CTNNA3: variants seen among roughly 807,000 people sequenced by gnomAD.
The protein encoded by CTNNA3 is catenin alpha-3.
Under a neutral mutation model 95.7 loss-of-function variants are expected in CTNNA3, and 76 were observed. The observed-to-expected ratio is 0.79, with a 90% CI of 0.66 to 0.96. CTNNA3 has a LOEUF of 0.96. CTNNA3 is among the 40% of genes least tolerant of loss of function. CTNNA3 has a pLI of 0.00. For synonymous variants in CTNNA3, 431 were observed against 374.4 expected, an observed-to-expected ratio of 1.15 and a Z score of -1.74; for missense variants, 1,191 against 1,089.8, an observed-to-expected ratio of 1.09 and a Z score of -1.31.
intron 5 of CTNNA3, among the ~76,000 whole-genome samples, chr10:67,338,640 T>C (rs1776087864): frequency 6.6e-6 from 1 of 152,152 alleles, no homozygotes; most frequent in South Asian, 2.1e-4. Flanking sequence ...CTTAAAATAG[T>C]TGTGCAAATG....
chr10:66,906,489 T>A (rs1170469864), intron 7 of CTNNA3, among the ~76,000 whole-genome samples: 1 of 152,144 alleles, frequency 6.6e-6, no homozygotes, highest in Non-Finnish European at 1.5e-5. Flanking sequence ...AAAGTCTATC[T>A]TCAAAAGTAT....
chr10:67,023,142 A>T (rs891444342), intron 7 of CTNNA3, among the ~76,000 whole-genome samples: 1 of 152,162 alleles, frequency 6.6e-6, no homozygotes, highest in Non-Finnish European at 1.5e-5. Flanking sequence ...TGACAAGTAG[A>T]TTCTAATATT....
upstream of CTNNA3, among the ~76,000 whole-genome samples, chr10:67,696,445 C>A (rs1840965854): frequency 6.6e-6 from 1 of 152,126 alleles, no homozygotes; most frequent in Admixed American, 6.5e-5. Flanking sequence ...GCAGGGAAAA[C>A]AAGAGTCCAG....
chr10:66,472,653 T>G (rs975516097), intron 11 of CTNNA3, among the ~76,000 whole-genome samples: 1 of 152,058 alleles, frequency 6.6e-6, no homozygotes, highest in African/African-American at 2.4e-5. Context: ...TGGATACCTC[T>G]GAATTATTAA....
rs553947768 is a variant in CTNNA3, at chr10:66,361,530, C to CTCTT, written c.1732+17618_1732+17621dup. Among the ~76,000 whole-genome samples, 791 of 147,838 alleles carry CTCTT rather than the reference C, an allele frequency of 5.4e-3. 8 individuals are homozygous for CTCTT. The highest frequency in any genetic ancestry group is 0.018 in the African/African-American group (712 of 40,038). Reference sequence around the variant, plus strand: ...TCTTTCCCTCTCTCTGCATCTTTCTCTCTTTCTTTCTTTCTTTCTTTTTTA... The same window carrying CTCTT: ...TCTTTCCCTCTCTCTGCATCTTTCTCTCTTTCTTTCTTTCTTTCTTTCTTTTTTA... On this transcript the variant is annotated intron_variant, in intron 12 of 17. Transcript: ENST00000433211.
chr10:66,061,562 G>A (rs767808348), intron 15 of CTNNA3, among the ~76,000 whole-genome samples: 3 of 151,810 alleles, frequency 2.0e-5, no homozygotes, highest in South Asian at 2.1e-4. Flanking sequence ...CAGTTGTTAC[G>A]TATCTCCTAC....
At chr10:67,313,364 G>A (rs376676121) in intron 5 of CTNNA3, among the ~76,000 whole-genome samples, 3 of 151,866 alleles carry the variant, frequency 2.0e-5, no homozygotes, top group South Asian at 4.2e-4. Flanking sequence ...CCCGGGAGGC[G>A]GAGTTTGCAG....
intron 6 of CTNNA3, among the ~76,000 whole-genome samples, chr10:67,210,004 T>A (rs1220039799): frequency 6.6e-6 from 1 of 151,816 alleles, no homozygotes; most frequent in East Asian, 1.9e-4. Context: ...TTAGAAAATA[T>A]AAGTTAATAA....
In CTNNA3 at chr10:66,500,997, G is replaced by A. The variant is rs191184398; in HGVS notation, c.1531+19620C>T. On this transcript the variant is annotated intron_variant, in intron 11 of 17. Transcript: ENST00000433211. ...CATGTGGCAGTTACTGCCCTAATGC[G>A]ATGAAAGCCTGAAATCTCAAAGCCA... is the stretch of plus-strand genomic sequence containing the variant. Among the ~76,000 whole-genome samples, 36 of 152,178 alleles carry A rather than the reference G, an allele frequency of 2.4e-4. 1 individual carries two copies. The highest frequency in any genetic ancestry group is 7.5e-4 in the African/African-American group (31 of 41,532).
At chr10:65,949,583 T>C (rs1404306956) in intron 17 of CTNNA3, among the ~76,000 whole-genome samples, 1 of 152,064 alleles carries the variant, frequency 6.6e-6, no homozygotes, top group Non-Finnish European at 1.5e-5. Flanking sequence ...GAAAAAAGCA[T>C]GGGGAGGTAG....
At chr10:66,082,329 C>T (rs1370444817) in intron 14 of CTNNA3, among the ~76,000 whole-genome samples, 1 of 152,012 alleles carries the variant, frequency 6.6e-6, no homozygotes, top group Non-Finnish European at 1.5e-5. Context: ...GATATTTCCT[C>T]CAAAAATGCA....
intron 11 of CTNNA3, among the ~76,000 whole-genome samples, chr10:66,500,137 G>A (rs895730345): frequency 1.3e-5 from 2 of 151,840 alleles, no homozygotes; most frequent in South Asian, 2.1e-4. Context: ...GATTTTAAAA[G>A]CCACAAACAA....
chr10:66,167,913 C>T (rs555573482), intron 13 of CTNNA3, among the ~76,000 whole-genome samples: 4 of 152,134 alleles, frequency 2.6e-5, no homozygotes. Context: ...ATCCCAGATA[C>T]ACCTAGTCAT....
intron 7 of CTNNA3, among the ~76,000 whole-genome samples, chr10:66,889,408 T>G (rs892924817): frequency 6.6e-6 from 1 of 152,168 alleles, no homozygotes; most frequent in Non-Finnish European, 1.5e-5. Context: ...GTTCAGCAAT[T>G]GTAACAAGTG....
intron 3 of CTNNA3, among the ~76,000 whole-genome samples, chr10:67,560,337 A>T (rs1280081240): frequency 1.3e-5 from 2 of 151,638 alleles, no homozygotes; most frequent in East Asian, 3.8e-4. Context: ...AATATTCAAC[A>T]TTCTTAAAGA....
intron 7 of CTNNA3, among the ~76,000 whole-genome samples, chr10:66,887,806 A>G (rs1845101582): frequency 6.6e-6 from 1 of 152,180 alleles, no homozygotes; most frequent in Non-Finnish European, 1.5e-5. Flanking sequence ...AGGAAGGCCC[A>G]GGAAATGCAA....
At chr10:67,456,359 A>G (rs1847172364) in intron 5 of CTNNA3, among the ~76,000 whole-genome samples, 1 of 152,094 alleles carries the variant, frequency 6.6e-6, no homozygotes, top group Admixed American at 6.6e-5. Flanking sequence ...ACTGTTGTAC[A>G]CTCCTATGGA....
intron 5 of CTNNA3, among the ~76,000 whole-genome samples, chr10:67,376,507 G>A (rs1194894383): frequency 1.3e-5 from 2 of 152,244 alleles, no homozygotes; most frequent in Non-Finnish European, 2.9e-5. Context: ...CTCCTTGGTA[G>A]AGATGAAAGA....
At chr10:66,556,173 C>T (rs1842382769) in intron 10 of CTNNA3, among the ~76,000 whole-genome samples, 1 of 151,958 alleles carries the variant, frequency 6.6e-6, no homozygotes, top group African/African-American at 2.4e-5. Flanking sequence ...TGATATCTCA[C>T]ACCTGTAAGG....
Sources: gnomAD v4.1 joint callset for allele counts (sites outside exome capture counted in the v4.1 genomes callset) on GRCh38, gnomAD v4.1.1 for gene constraint, MANE v1.5 for transcripts, NCBI Gene and HGNC (gene_info 2026-07-23, HGNC 2026-07-21) for gene names.